Variants in SCN9A observed in about 807,000 individuals in gnomAD.
SCN9A encodes sodium channel protein type 9 subunit alpha.
In SCN9A, 131 loss-of-function variants were observed where a neutral mutation model predicts 187.0. The ratio of observed to expected loss-of-function variants is 0.70; its 90% CI spans 0.61 to 0.81. The LOEUF (loss-of-function observed/expected upper bound fraction) is 0.81, where lower values mean the gene tolerates loss of function less well. SCN9A is among the 30% of genes least tolerant of loss of function. The pLI, the probability that SCN9A is intolerant of heterozygous loss-of-function variation, is 0.00. For synonymous variants in SCN9A, 809 were observed against 808.6 expected, an observed-to-expected ratio of 1.00 and a Z score of -0.01; for missense variants, 2,252 against 2,396.6, an observed-to-expected ratio of 0.94 and a Z score of 1.26.
At chr2:166,203,895 G>A (rs1010426833) in intron 26 of SCN9A, 60 bp downstream of exon 26, 4 of 1,022,432 alleles carry the variant, frequency 3.9e-6, no homozygotes, top group African/African-American at 3.2e-5. Context: ...ATACTTCCTT[G>A]AGCATAAGTG....
intron 19 of SCN9A, among the ~76,000 whole-genome samples, chr2:166,241,531 C>T (rs1695564709): frequency 6.6e-6 from 1 of 152,142 alleles, no homozygotes; most frequent in African/African-American, 2.4e-5. Flanking sequence ...ACTTGCAGTT[C>T]AGCAGTTTTT....
At chr2:166,361,036 T>C (rs1387972602) in intron 1 of SCN9A, among the ~76,000 whole-genome samples, 1 of 152,204 alleles carries the variant, frequency 6.6e-6, no homozygotes, top group Non-Finnish European at 1.5e-5. Context: ...CTCTACTGCT[T>C]ACTAGCTTAT....
Position 166,361,414 on chromosome 2 carries a change from C to T in SCN9A, c.-51+14283G>A, listed in dbSNP as rs185502994. 7.2e-5 allele frequency among the ~76,000 whole-genome samples: 11 copies of T among 152,214 alleles called. No individual in the cohort carries two copies. In the East Asian group the frequency reaches 1.9e-3, roughly 27 times the overall value. On this transcript the variant is annotated intron_variant, in intron 1 of 26. Transcript: ENST00000642356. ...ATGTATGCTTATAGCAAAACCAAGA[C>T]TACATTGCCTTCTACCAACAGGTGG...
At position 166,370,703 on chromosome 2, in the gene SCN9A, T is replaced by C. The variant is rs954651532; in HGVS notation, c.-51+4994A>G. On this transcript the variant is annotated intron_variant, in intron 1 of 26. Transcript: ENST00000642356. ...GCTTCTAATCTTATTTATCTTTCTTTAGAGGCTCAATTTTCCAATTATTTG... is the reference window on the plus strand; with the variant it reads ...GCTTCTAATCTTATTTATCTTTCTTCAGAGGCTCAATTTTCCAATTATTTG... Among the ~76,000 whole-genome samples the C allele has an allele frequency of 2.0e-5, 3 of 152,076 alleles. No individual in the cohort carries two copies. The East Asian group carries it at 5.8e-4, about 29-fold the overall frequency.
At chr2:166,340,533 TTTCTTTCCC>T (rs11280107) in intron 1 of SCN9A, among the ~76,000 whole-genome samples, 4,151 of 117,922 alleles carry the variant, frequency 0.035, 146 homozygotes, top group East Asian at 0.057. Context: ...TCTCCTTTCT[TTTCTTTCCC>T]TTTCTTTCTT....
At chr2:166,213,449 C>A (rs1694180608) in intron 24 of SCN9A, among the ~76,000 whole-genome samples, 1 of 133,780 alleles carries the variant, frequency 7.5e-6, no homozygotes, top group Non-Finnish European at 1.6e-5. Context: ...ACTGAATAGA[C>A]AAATTGAACC....
chr2:166,273,974 A>G (rs1697116308), intron 16 of SCN9A, among the ~76,000 whole-genome samples: 1 of 152,192 alleles, frequency 6.6e-6, no homozygotes, highest in Non-Finnish European at 1.5e-5. Flanking sequence ...TGGGAATCAT[A>G]GTGAACAATT....
rs202087301 is a variant in SCN9A, at chr2:166,198,525, C to T, written c.*147G>A. On this transcript the variant is annotated 3_prime_UTR_variant, in exon 27 of 27. Transcript: ENST00000642356. Reference sequence around the variant, plus strand: ...ATAACCATCTGCTAATGCTGCCCACCTTTCTTAGGAAATCAGAGTTAGTGA... The same window carrying T: ...ATAACCATCTGCTAATGCTGCCCACTTTTCTTAGGAAATCAGAGTTAGTGA... 8.0e-6 allele frequency: 5 copies of T among 624,346 alleles called. No homozygotes were observed. Among genetic ancestry groups the T allele is most frequent in the East Asian group, 5.5e-5 (2 of 36,340 alleles). The allele number at this position is 624,346 out of a possible 1,614,324, so 38.7% of individuals were successfully genotyped here.
intron 18 of SCN9A, chr2:166,248,326 A>G (rs1010794178): frequency 2.6e-5 from 4 of 152,096 alleles, no homozygotes; most frequent in African/African-American, 7.2e-5. Flanking sequence ...CATGCTTCTC[A>G]GTCTTCATGT....
At chr2:166,205,645 A>G (rs1693762317) in intron 24 of SCN9A, among the ~76,000 whole-genome samples, 1 of 152,218 alleles carries the variant, frequency 6.6e-6, no homozygotes, top group African/African-American at 2.4e-5. Flanking sequence ...TGGCAACAAA[A>G]GCCAAAACAG....
At chr2:166,253,847 A>G (rs1233863801) in intron 17 of SCN9A, among the ~76,000 whole-genome samples, 11 of 151,836 alleles carry the variant, frequency 7.2e-5, no homozygotes, top group Admixed American at 7.2e-4. Context: ...CCCTGCTATT[A>G]GACACAATAT....
At chr2:166,363,264 C>T (rs1240875137) in intron 1 of SCN9A, among the ~76,000 whole-genome samples, 1 of 151,942 alleles carries the variant, frequency 6.6e-6, no homozygotes, top group Admixed American at 6.6e-5. Context: ...GTTGAGAAAA[C>T]AAGATAGCTT....
intron 1 of SCN9A, among the ~76,000 whole-genome samples, chr2:166,314,387 A>G (rs1015798943): frequency 3.3e-5 from 5 of 152,216 alleles, no homozygotes; most frequent in Non-Finnish European, 7.3e-5. Context: ...GGGATATTTC[A>G]TATACACATT....
At chr2:166,209,050 A>G (rs1404118568) in intron 24 of SCN9A, among the ~76,000 whole-genome samples, 1 of 152,210 alleles carries the variant, frequency 6.6e-6, no homozygotes, top group East Asian at 1.9e-4. Context: ...TATGATTAGA[A>G]CAATTGATAC....
intron 18 of SCN9A, among the ~76,000 whole-genome samples, chr2:166,247,123 T>C (rs1695822445): frequency 8.3e-6 from 1 of 120,662 alleles, no homozygotes; most frequent in African/African-American, 3.3e-5. Context: ...ACATAAAGTC[T>C]ATGCTGAGTT....
rs1160698336 is a variant in SCN9A at position 166,197,030 on chromosome 2, T to C, written c.*1642A>G. On this transcript the variant is annotated 3_prime_UTR_variant, in exon 27 of 27. Transcript: ENST00000642356. The stretch of plus-strand genomic sequence containing the variant: ...TAAATTGCCAGAACAACAAAAAATA[T>C]GTGCTTTAAACATTTATTATATAAA... 2 of 152,082 alleles carry C rather than the reference T, an allele frequency of 1.3e-5. No homozygotes were observed. Among genetic ancestry groups the C allele is most frequent in the Non-Finnish European group, 2.9e-5 (2 of 67,968 alleles). 9.4% of individuals were successfully genotyped at this position (152,082 alleles called of 1,614,324 possible).
chr2:166,339,917 G>A (rs571940318), intron 1 of SCN9A, among the ~76,000 whole-genome samples: 1 of 152,074 alleles, frequency 6.6e-6, no homozygotes, highest in African/African-American at 2.4e-5. Context: ...AAGTCCAAAT[G>A]TTGGCTTTAC....
chr2:166,252,674 A>C (rs1489269622), intron 17 of SCN9A, among the ~76,000 whole-genome samples: 2 of 151,964 alleles, frequency 1.3e-5, no homozygotes, highest in Non-Finnish European at 2.9e-5. Flanking sequence ...TACACATGGA[A>C]TAATGAATTC....
At chr2:166,288,116 T>TAC (rs1465117432) in intron 10 of SCN9A, among the ~76,000 whole-genome samples, 1 of 98,874 alleles carries the variant, frequency 1.0e-5, no homozygotes, top group South Asian at 2.9e-4. Flanking sequence ...TATATATATA[T>TAC]ATATACACAC....
Sources: gnomAD v4.1 joint callset for allele counts (sites outside exome capture counted in the v4.1 genomes callset) on GRCh38, gnomAD v4.1.1 for gene constraint, MANE v1.5 for transcripts, NCBI Gene and HGNC (gene_info 2026-07-23, HGNC 2026-07-21) for gene names.